NRDE2: variants seen among roughly 807,000 people sequenced by gnomAD.
NRDE2 encodes NRDE-2, necessary for RNA interference, domain containing.
Under a neutral mutation model 124.2 loss-of-function variants are expected in NRDE2, and 76 were observed. The observed-to-expected ratio is 0.61, with a 90% CI of 0.51 to 0.74. The LOEUF (loss-of-function observed/expected upper bound fraction) is 0.74, where lower values mean the gene tolerates loss of function less well. Ranked by LOEUF, NRDE2 falls within the 30% of genes least tolerant of loss-of-function variation. The probability of loss-of-function intolerance (pLI) is 0.00; values close to 1 mark genes in which losing one functional copy is unlikely to be tolerated. For missense variants in NRDE2, 1,314 were observed against 1,417.3 expected (o/e 0.93, Z 1.17); for synonymous variants, 489 against 528.1 (o/e 0.93, Z 1.01).
At chr14:90,316,853 T>G (rs762354424) in intron 2 of NRDE2, 42 bp from the exon 3 acceptor site, 3 of 1,317,376 alleles carry the variant, frequency 2.3e-6, no homozygotes, top group African/African-American at 1.5e-5. Flanking sequence ...TCTAAAAAGA[T>G]GTAGGAAAAA....
At chr14:90,320,477 G>C (rs951940166) in intron 1 of NRDE2, among the ~76,000 whole-genome samples, 4 of 152,186 alleles carry the variant, frequency 2.6e-5, no homozygotes, top group African/African-American at 9.6e-5. Flanking sequence ...CTTGACACAT[G>C]GGGATTATAG....
At chr14:90,330,884 G>A (rs1885665932) in intron 1 of NRDE2, among the ~76,000 whole-genome samples, 1 of 151,440 alleles carries the variant, frequency 6.6e-6, no homozygotes, top group South Asian at 2.1e-4. Context: ...AGACAGGTAA[G>A]ACTCAATTGC....
rs147340971 is a variant in NRDE2, at chr14:90,304,049, G to A, written c.891C>T (p.Asp297=). ...GPPEQESKQP[D]AQPDSESAAL... is the part of the protein sequence containing the mutation. ...CCGCACTCTCGCTGTCTGGCTGTGC[G>A]TCTGGCTGCTTTGATTCCTGCTCTG... is the stretch of plus-strand genomic sequence containing the variant. The change falls in exon 5 of 14, where the codon GAC becomes GAT. Residue 297 remains aspartate (D), a synonymous_variant. Transcript: ENST00000354366. The A allele has an allele frequency of 2.2e-4, 359 of 1,614,002 alleles. 3 individuals carry two copies. The highest frequency in any genetic ancestry group is 1.8e-4 in the Admixed American group (11 of 60,006).
At chr14:90,287,180 G>C (rs1482644883) in intron 11 of NRDE2, among the ~76,000 whole-genome samples, 6 of 151,908 alleles carry the variant, frequency 3.9e-5, no homozygotes, top group Admixed American at 3.9e-4. Flanking sequence ...AAATCCCAAT[G>C]GAAGAAATAA....
intron 2 of NRDE2, 43 bp from the exon 3 acceptor site, chr14:90,316,854 G>T: frequency 7.7e-7 from 1 of 1,302,064 alleles, no homozygotes; most frequent in Non-Finnish European, 1.1e-6. Flanking sequence ...CTAAAAAGAT[G>T]TAGGAAAAAT....
chr14:90,328,662 G>A (rs1046593541), intron 1 of NRDE2, among the ~76,000 whole-genome samples: 2 of 152,190 alleles, frequency 1.3e-5, no homozygotes, highest in African/African-American at 4.8e-5. Context: ...CTCCCCCAAT[G>A]AGGTACTTTC....
intron 4 of NRDE2, among the ~76,000 whole-genome samples, chr14:90,309,270 G>A (rs1884735208): frequency 6.6e-6 from 1 of 150,958 alleles, no homozygotes; most frequent in African/African-American, 2.4e-5. Flanking sequence ...CAAGATGAAT[G>A]CAGGCTGAAT....
At position 90,307,276 on chromosome 14, in the gene NRDE2, C is replaced by T. The variant is rs190605666; in HGVS notation, c.558-2894G>A. On this transcript the variant is annotated intron_variant, in intron 4 of 13. Transcript: ENST00000354366. ...AAACTGTTCCATTGTATGGATGTGC[C>T]ATAATTTATTTAACCATTTCCCAAT... 3.9e-4 allele frequency among the ~76,000 whole-genome samples: 60 copies of T among 152,202 alleles called. 2 individuals carry two copies. Among genetic ancestry groups the T allele is most frequent in the Non-Finnish European group, 1.8e-4 (12 of 68,008 alleles).
In NRDE2 at chr14:90,269,666, G is replaced by T. The variant is rs1370173890; in HGVS notation, c.*8670C>A. On this transcript the variant is annotated 3_prime_UTR_variant, in exon 14 of 14. Transcript: ENST00000354366. ...AAAGCAAATACTGCAGTGAAACTTA[G>T]GATAATTTACAAAAAAATAGGTCCT... 8.4e-7 allele frequency: 1 copy of T among 1,186,202 alleles called. No homozygotes were observed. The highest frequency in any genetic ancestry group is 1.2e-6 in the Non-Finnish European group (1 of 845,522). 73.5% of individuals were successfully genotyped at this position (1,186,202 alleles called of 1,614,324 possible).
chr14:90,306,670 C>T (rs534983067), intron 4 of NRDE2, among the ~76,000 whole-genome samples: 2 of 152,036 alleles, frequency 1.3e-5, no homozygotes, highest in East Asian at 1.9e-4. Flanking sequence ...ATTAGCTGGG[C>T]GTGGTGGCAC....
chr14:90,324,229 G>A (rs1188423777), intron 1 of NRDE2, among the ~76,000 whole-genome samples: 1 of 152,098 alleles, frequency 6.6e-6, no homozygotes, highest in African/African-American at 2.4e-5. Flanking sequence ...GGAAATGGGG[G>A]CAAAATGAAG....
Position 90,292,744 on chromosome 14 carries a change from T to C in NRDE2, c.1795A>G (p.Lys599Glu). Residue 599 changes from lysine (K) to glutamate (E), a missense_variant, in exon 9 of 14, where the codon AAG (lysine) becomes GAG (glutamate). Physicochemically the swap from Lys to Glu is moderately conservative, Grantham distance 56. Transcript: ENST00000354366. ...TCTTCCTCGGTTTGCTTCTTGGTCT[T>C]ATCAGGGCGCCAGGGCCGCCAGTGC... The part of the protein sequence containing the change: ...QRHWRPWRPD[K>E]TKKQTEEDCE... The C allele has an allele frequency of 6.2e-7, 1 of 1,614,186 alleles. No homozygotes were observed. Among genetic ancestry groups the C allele is most frequent in the Non-Finnish European group, 8.5e-7 (1 of 1,180,012 alleles).
At chr14:90,302,044 G>A (rs889785400) in intron 6 of NRDE2, among the ~76,000 whole-genome samples, 3 of 152,124 alleles carry the variant, frequency 2.0e-5, no homozygotes, top group African/African-American at 7.2e-5. Context: ...GCTCTGTGCC[G>A]GACACTGAGC....
chr14:90,316,705 G>A lies in NRDE2; in HGVS notation c.280C>T (p.His94Tyr), dbSNP rs1207705940. 3.1e-6 allele frequency: 5 copies of A among 1,613,808 alleles called. No homozygotes were observed. Among genetic ancestry groups the A allele is most frequent in the Non-Finnish European group, 4.2e-6 (5 of 1,179,930 alleles). ...TGCTTCCTCTTTGTTTTCTTATGATGCTGATGCTTCCTTTTTTTCTTTTTC... is the reference window on the plus strand; with the variant it reads ...TGCTTCCTCTTTGTTTTCTTATGATACTGATGCTTCCTTTTTTTCTTTTTC... ...KEKKKKRKHQHHKKTKRKHGP... is the reference protein window; with the variant it reads ...KEKKKKRKHQYHKKTKRKHGP... The change falls in exon 3 of 14, where the codon CAT becomes TAT. Residue 94 changes from histidine (H) to tyrosine (Y), a missense_variant. Transcript: ENST00000354366.
At chr14:90,311,322 A>G (rs1023105649) in intron 4 of NRDE2, among the ~76,000 whole-genome samples, 3 of 152,080 alleles carry the variant, frequency 2.0e-5, no homozygotes, top group African/African-American at 4.8e-5. Context: ...GGGGTATCAG[A>G]TATGGTTTGG....
Position 90,270,099 on chromosome 14 carries a change from C to A in NRDE2, c.*8237G>T. The A allele has an allele frequency of 7.7e-7, 1 of 1,294,814 alleles. No homozygotes were observed. The highest frequency in any genetic ancestry group is 1.1e-6 in the Non-Finnish European group (1 of 949,280). The allele number at this position is 1,294,814 out of a possible 1,614,324, so 80.2% of individuals were successfully genotyped here. A position where few individuals can be genotyped will look rare whatever the true frequency, so the allele number is the denominator to read the frequency against. The stretch of plus-strand genomic sequence containing the variant: ...ATCCTTCCCACAGAATTCTGTCCGA[C>A]TGAAACTTCGTATGTAAGGAGATGG... On this transcript the variant is annotated 3_prime_UTR_variant, in exon 14 of 14. Transcript: ENST00000354366.
At chr14:90,331,000 C>G (rs540306909) in intron 1 of NRDE2, among the ~76,000 whole-genome samples, 1 of 151,912 alleles carries the variant, frequency 6.6e-6, no homozygotes, top group East Asian at 1.9e-4. Flanking sequence ...GATCATGGCT[C>G]ACTGCGGCCT....
Position 90,278,350 on chromosome 14 carries a change from G to A in NRDE2, c.3481C>T (p.Leu1161=). ...CCCGCTGCTCTCTAATCCTCCAGCA[G>A]CAGCTCCAGCTCCTCCAGCGGCAGG... ...VRLPLEELEL[L]LED Residue 1161 remains leucine, a synonymous_variant, in exon 14 of 14, where the codon CTG becomes TTG. Coordinates refer to ENST00000354366, the MANE Select transcript of NRDE2 (RefSeq NM_017970.4). The A allele has an allele frequency of 6.2e-7, 1 of 1,614,154 alleles. No homozygotes were observed. Among genetic ancestry groups the A allele is most frequent in the Non-Finnish European group, 8.5e-7 (1 of 1,179,994 alleles).
intron 12 of NRDE2, chr14:90,281,025 G>A (rs970084026): frequency 6.6e-6 from 1 of 152,320 alleles, no homozygotes; most frequent in South Asian, 2.1e-4. Flanking sequence ...ATTCGGCCAA[G>A]GGCAGTCTCC....
Sources: gnomAD v4.1 joint callset for allele counts (sites outside exome capture counted in the v4.1 genomes callset) on GRCh38, gnomAD v4.1.1 for gene constraint, MANE v1.5 for transcripts, NCBI Gene and HGNC (gene_info 2026-07-23, HGNC 2026-07-21) for gene names.